The following KIF26A variants were observed in gnomAD, a reference collection of about 807,000 sequenced individuals.
The protein encoded by KIF26A is kinesin-like protein KIF26A.
A neutral mutation model predicts 126.0 loss-of-function variants in KIF26A; 74 were observed. That is an observed-to-expected ratio of 0.59 (90% CI 0.49 to 0.71). The LOEUF (loss-of-function observed/expected upper bound fraction) is 0.71, where lower values mean the gene tolerates loss of function less well. KIF26A is among the 30% of genes least tolerant of loss of function. The pLI, the probability that KIF26A is intolerant of heterozygous loss-of-function variation, is 0.00. For synonymous variants in KIF26A, 1,445 were observed against 1,232.7 expected, an observed-to-expected ratio of 1.17 and a Z score of -3.61; for missense variants, 2,984 against 2,763.3, an observed-to-expected ratio of 1.08 and a Z score of -1.79.
Position 104,157,742 on chromosome 14 carries a change from TC to T in KIF26A, c.736-11del. ...CCTTGCGTTCCTTATACGCACTCTC[TC>T]CTTCCCTCCAGGCCGAGGCAGCGGT... On this transcript the variant is annotated splice_polypyrimidine_tract_variant and intron_variant, in intron 3 of 14. Coordinates refer to ENST00000423312, the MANE Select transcript of KIF26A (RefSeq NM_015656.2). 6.2e-7 allele frequency: 1 copy of T among 1,609,246 alleles called. No homozygotes were observed. The highest frequency in any genetic ancestry group is 8.5e-7 in the Non-Finnish European group (1 of 1,178,594).
At chr14:104,161,192 C>G (rs942618749) in intron 4 of KIF26A, among the ~76,000 whole-genome samples, 7 of 152,168 alleles carry the variant, frequency 4.6e-5, no homozygotes, top group African/African-American at 1.7e-4. Flanking sequence ...CTGCCTCCAG[C>G]TGGGGTCCAG....
At position 104,152,058 on chromosome 14, in the gene KIF26A, C is replaced by G. The variant is rs749275530; in HGVS notation, c.332C>G (p.Pro111Arg). The change falls in exon 3 of 15, where the codon CCT becomes CGT. Residue 111 changes from proline (P) to arginine (R), a missense_variant. By Grantham distance (103) the Pro-to-Arg change is moderately radical. Coordinates refer to ENST00000423312, the MANE Select transcript of KIF26A (RefSeq NM_015656.2). The surrounding 1 kb of genome is among the most constrained non-coding windows in gnomAD (Gnocchi z 5.9). ...CTGCTTCTCGACAAGCTACCAGCACCTGGGGCCCTGCCAGCCTGTCGCCCA... is the reference window on the plus strand; with the variant it reads ...CTGCTTCTCGACAAGCTACCAGCACGTGGGGCCCTGCCAGCCTGTCGCCCA... ...SALLLDKLPAPGALPACRPEA... is the reference protein window; with the variant it reads ...SALLLDKLPARGALPACRPEA... 1.9e-6 allele frequency: 3 copies of G among 1,612,536 alleles called. No homozygotes were observed. The South Asian group carries it at 3.3e-5, about 18-fold the overall frequency.
At chr14:104,174,002 C>T (rs932750374) in intron 10 of KIF26A, 134 bp downstream of exon 10, 29 of 1,394,878 alleles carry the variant, frequency 2.1e-5, no homozygotes, top group African/African-American at 5.8e-5. Flanking sequence ...TGACAGGCCT[C>T]GCTGCCCGTG....
Position 104,147,434 on chromosome 14 carries a change from G to C in KIF26A, c.289-4581G>C, listed in dbSNP as rs540281701. On this transcript the variant is annotated intron_variant, in intron 2 of 14. Coordinates refer to ENST00000423312, the MANE Select transcript of KIF26A (RefSeq NM_015656.2). ...CCTCCCCTCCCAGCAGAGGAGGAAG[G>C]GGGTAGGAGGCCTTCAGAGCTGCAG... Among the ~76,000 whole-genome samples the C allele has an allele frequency of 2.1e-4, 32 of 152,282 alleles. No individual in the cohort carries two copies. The South Asian group carries it at 6.2e-3, about 30-fold the overall frequency.
chr14:104,168,239 T>G (rs1278603088), intron 5 of KIF26A, among the ~76,000 whole-genome samples: 1 of 152,182 alleles, frequency 6.6e-6, no homozygotes, highest in Non-Finnish European at 1.5e-5. Context: ...GGAAGGGCTG[T>G]AAGTGACTGT....
At chr14:104,144,216 G>A (rs2037661598) in intron 2 of KIF26A, among the ~76,000 whole-genome samples, 1 of 152,204 alleles carries the variant, frequency 6.6e-6, no homozygotes, top group Non-Finnish European at 1.5e-5. Flanking sequence ...TTTGGGGGAG[G>A]ACTTGAGCTT....
Sources: gnomAD v4.1 joint callset for allele counts (sites outside exome capture counted in the v4.1 genomes callset) on GRCh38, gnomAD v4.1.1 for gene constraint, Gnocchi (gnomAD v3.1) non-coding constraint, MANE v1.5 for transcripts, NCBI Gene and HGNC (gene_info 2026-07-23, HGNC 2026-07-21) for gene names.